FBXL17: variants seen among roughly 807,000 people sequenced by gnomAD.
The protein encoded by FBXL17 is F-box/LRR-repeat protein 17.
FBXL17 carries 22 observed loss-of-function variants against 66.2 expected under a neutral mutation model. The observed-to-expected ratio is 0.33, with a 90% CI of 0.24 to 0.47. The LOEUF is 0.47. Ranked by LOEUF, FBXL17 falls within the 20% of genes least tolerant of loss-of-function variation. FBXL17 has a pLI of 1.00. For synonymous variants in FBXL17, 474 were observed against 400.5 expected (o/e 1.18, Z -2.19); for missense variants, 878 against 948.2 (o/e 0.93, Z 0.97).
At chr5:108,326,875 G>A (rs1463487742) in intron 4 of FBXL17, among the ~76,000 whole-genome samples, 3 of 152,116 alleles carry the variant, frequency 2.0e-5, no homozygotes, top group African/African-American at 7.2e-5. Flanking sequence ...GCTAGCAGGA[G>A]TAAAAAATGG....
At chr5:108,221,905 C>T (rs1754882100) in intron 5 of FBXL17, among the ~76,000 whole-genome samples, 1 of 152,116 alleles carries the variant, frequency 6.6e-6, no homozygotes, top group Non-Finnish European at 1.5e-5. Context: ...TTACTTGAAT[C>T]CAGAAAACTA....
At chr5:108,304,843 C>A (rs1040214671) in intron 4 of FBXL17, among the ~76,000 whole-genome samples, 1 of 151,948 alleles carries the variant, frequency 6.6e-6, no homozygotes, top group African/African-American at 2.4e-5. Flanking sequence ...TCCCTACCTA[C>A]GGAAAGGAAG....
chr5:107,869,729 C>T (rs1232393879), intron 8 of FBXL17, among the ~76,000 whole-genome samples: 1 of 152,134 alleles, frequency 6.6e-6, no homozygotes, highest in East Asian at 1.9e-4. Context: ...ACTAGGAATC[C>T]AGTGCCGCTT....
chr5:108,321,652 C>T (rs1322681288), intron 4 of FBXL17, among the ~76,000 whole-genome samples: 1 of 151,312 alleles, frequency 6.6e-6, no homozygotes, highest in Admixed American at 6.6e-5. Flanking sequence ...TTTTGACTTT[C>T]TAACTATAAC....
chr5:108,135,050 A>G (rs1242693199), intron 6 of FBXL17, among the ~76,000 whole-genome samples: 1 of 152,126 alleles, frequency 6.6e-6, no homozygotes, highest in African/African-American at 2.4e-5. Context: ...CACAGCCTCA[A>G]AAAGGGTAGC....
intron 6 of FBXL17, among the ~76,000 whole-genome samples, chr5:108,115,115 A>C (rs757248471): frequency 2.0e-5 from 3 of 152,200 alleles, no homozygotes; most frequent in Non-Finnish European, 4.4e-5. Context: ...ATTATTAGGA[A>C]ATATAGGAAG....
chr5:107,904,551 A>G (rs536873543), intron 7 of FBXL17, among the ~76,000 whole-genome samples: 18 of 152,244 alleles, frequency 1.2e-4, no homozygotes, highest in African/African-American at 4.3e-4. Context: ...GCATATTTAA[A>G]AGATGAAAAA....
At chr5:108,009,308 T>TATATAGATAGATAGATATATACACAC in intron 7 of FBXL17, among the ~76,000 whole-genome samples, 2 of 42,218 alleles carry the variant, frequency 4.7e-5, no homozygotes, top group Admixed American at 2.9e-4. Context: ...TATACATATA[T>TATATAGATAGATAGATATATACACAC]ACATACACAT....
chr5:108,364,921 G>A lies in FBXL17; in HGVS notation c.1191C>T (p.Arg397=). 3.1e-6 allele frequency: 5 copies of A among 1,612,354 alleles called. No individual in the cohort carries two copies. The South Asian group carries it at 3.3e-5, about 11-fold the overall frequency. ...CACATACGCCATTATCAGACATACT[G>A]CGACAATCAGAAATGTTGATTTCAA... ...NIIEINISDC[R]SMSDNGVCVL... The change falls in exon 3 of 9, where the codon CGC becomes CGT. Residue 397 remains arginine (R), a synonymous_variant. Coordinates refer to ENST00000542267, the MANE Select transcript of FBXL17 (RefSeq NM_001163315.3).
At chr5:108,357,385 A>G (rs941745614) in intron 3 of FBXL17, among the ~76,000 whole-genome samples, 2 of 152,082 alleles carry the variant, frequency 1.3e-5, no homozygotes, top group Admixed American at 1.3e-4. Flanking sequence ...TAACTTCACT[A>G]TTAGAGACCT....
At chr5:108,124,984 C>T (rs935056124) in intron 6 of FBXL17, among the ~76,000 whole-genome samples, 11 of 151,922 alleles carry the variant, frequency 7.2e-5, no homozygotes, top group Admixed American at 7.2e-4. Context: ...ATATAAAAAT[C>T]CATGTTCAAC....
intron 7 of FBXL17, among the ~76,000 whole-genome samples, chr5:107,930,445 TTAGGCCCC>T (rs1364750712): frequency 1.3e-5 from 2 of 152,234 alleles, no homozygotes; most frequent in Non-Finnish European, 2.9e-5. Flanking sequence ...CTATGTAATG[TTAGGCCCC>T]TAGCCTGTTC....
chr5:107,941,291 A>G (rs1473714334), intron 7 of FBXL17, among the ~76,000 whole-genome samples: 1 of 152,206 alleles, frequency 6.6e-6, no homozygotes, highest in Non-Finnish European at 1.5e-5. Context: ...ACTCATCTTA[A>G]AAACTCCATG....
Position 108,379,729 on chromosome 5 carries a change from G to C in FBXL17, c.993+970C>G, listed in dbSNP as rs140640090. The stretch of plus-strand genomic sequence containing the variant: ...CCAAATAGGGTAGGGTGGGAGAAGA[G>C]AGAAAAGGAGGGAAAAAGTTAATAA... On this transcript the variant is annotated intron_variant, in intron 1 of 8. Transcript: ENST00000542267. Among the ~76,000 whole-genome samples the C allele has an allele frequency of 3.0e-3, 457 of 152,268 alleles. 2 individuals carry two copies. Among genetic ancestry groups the C allele is most frequent in the African/African-American group, 0.011 (442 of 41,538 alleles).
At chr5:108,378,036 T>C (rs1749567175) in intron 1 of FBXL17, among the ~76,000 whole-genome samples, 1 of 152,222 alleles carries the variant, frequency 6.6e-6, no homozygotes, top group Non-Finnish European at 1.5e-5. Flanking sequence ...ATGTGGGTAA[T>C]AAGCATAAAA....
rs545668889 is a variant in FBXL17, at chr5:108,075,956, A to G, written c.1746-54955T>C. Among the ~76,000 whole-genome samples, 44 of 152,380 alleles carry G rather than the reference A, an allele frequency of 2.9e-4. No homozygotes were observed. The South Asian group carries it at 8.5e-3, about 29-fold the overall frequency. ...TTACAAAACAAATGAGTATTCATAA[A>G]TTAAAGAAATGATCCCAAATGTTTT... On this transcript the variant is annotated intron_variant, in intron 6 of 8. Coordinates refer to ENST00000542267, the MANE Select transcript of FBXL17 (RefSeq NM_001163315.3).
Position 108,376,490 on chromosome 5 carries a change from CA to C in FBXL17, c.993+4208del, listed in dbSNP as rs576796675. On this transcript the variant is annotated intron_variant, in intron 1 of 8. Transcript: ENST00000542267. ...AAAGCACTTCCATTTATAATAGCAT[CA>C]AAAAGAATAAAACTTTTTTTACAGC... Among the ~76,000 whole-genome samples, 7 of 152,258 alleles carry C rather than the reference CA, an allele frequency of 4.6e-5. No individual in the cohort carries two copies. The South Asian group carries it at 1.5e-3, about 32-fold the overall frequency.
chr5:108,151,316 A>G (rs1345871514), intron 6 of FBXL17, among the ~76,000 whole-genome samples: 2 of 152,198 alleles, frequency 1.3e-5, no homozygotes, highest in African/African-American at 2.4e-5. Flanking sequence ...ATCACATTTG[A>G]GCCTATCAGA....
At chr5:108,280,106 G>A (rs1045349777) in intron 4 of FBXL17, among the ~76,000 whole-genome samples, 5 of 152,042 alleles carry the variant, frequency 3.3e-5, no homozygotes, top group Non-Finnish European at 7.4e-5. Flanking sequence ...TAGACAACCA[G>A]ATACAGGAGG....
Sources: allele counts gnomAD v4.1 joint callset (sites outside exome capture counted in the v4.1 genomes callset), GRCh38; gene constraint gnomAD v4.1.1; transcripts MANE v1.5; gene names NCBI Gene and HGNC (gene_info 2026-07-23, HGNC 2026-07-21).